ECHDC2: variants seen among roughly 807,000 people sequenced by gnomAD.
ECHDC2 encodes the protein enoyl-CoA hydratase domain containing 2.
ECHDC2 carries 34 observed loss-of-function variants against 40.6 expected under a neutral mutation model. The ratio of observed to expected loss-of-function variants is 0.84; its 90% CI spans 0.64 to 1.11. The LOEUF (loss-of-function observed/expected upper bound fraction) is 1.11, where lower values mean the gene tolerates loss of function less well. Ranked by LOEUF, ECHDC2 falls within the 50% of genes most tolerant of loss-of-function variation. ECHDC2 has a pLI of 0.00. For synonymous variants in ECHDC2, 162 were observed against 166.6 expected (o/e 0.97, Z 0.21); for missense variants, 392 against 400.7 (o/e 0.98, Z 0.19).
At chr1:52,905,340 C>T (rs1000596377) in intron 5 of ECHDC2, 10 of 554,218 alleles carry the variant, frequency 1.8e-5, no homozygotes, top group Non-Finnish European at 2.9e-5. Context: ...CCTTCCCAAG[C>T]CTCAAAGGTG....
chr1:52,910,024 C>T (rs1391309327), intron 3 of ECHDC2, among the ~76,000 whole-genome samples: 1 of 152,168 alleles, frequency 6.6e-6, no homozygotes, highest in Non-Finnish European at 1.5e-5. Flanking sequence ...ACACTTGCCA[C>T]AACTTGGAGG....
intron 8 of ECHDC2, chr1:52,897,879 C>A: frequency 3.4e-6 from 1 of 295,204 alleles, no homozygotes; most frequent in Non-Finnish European, 6.6e-6. Flanking sequence ...GGTTAGTATC[C>A]CTATTCTACA....
At chr1:52,897,279 C>T (rs1027616147) in intron 9 of ECHDC2, 158 bp downstream of exon 9, 13 of 745,680 alleles carry the variant, frequency 1.7e-5, no homozygotes, top group Admixed American at 1.6e-4. Context: ...CACTATGGCT[C>T]TCCTCAAGCC....
intron 8 of ECHDC2, chr1:52,898,832 T>G (rs568720676): frequency 3.5e-4 from 141 of 400,096 alleles, no homozygotes; most frequent in Middle Eastern, 2.4e-3. Context: ...TGAGGCCACA[T>G]TACTGCCAGC....
intron 1 of ECHDC2, among the ~76,000 whole-genome samples, chr1:52,920,001 A>C (rs1377486298): frequency 1.3e-5 from 2 of 152,354 alleles, no homozygotes; most frequent in East Asian, 3.9e-4. Flanking sequence ...GAGTCACTGA[A>C]TTACTAGAAG....
intron 1 of ECHDC2, chr1:52,912,209 GTTTTT>G: frequency 6.4e-6 from 1 of 156,948 alleles, no homozygotes; most frequent in African/African-American, 2.8e-5. Flanking sequence ...GAGTTTTGCT[GTTTTT>G]TTTTTTTTTT....
chr1:52,921,248 C>T, intron 1 of ECHDC2: 2 of 376,690 alleles, frequency 5.3e-6, no homozygotes, highest in Non-Finnish European at 8.7e-6. Context: ...CGCTCCTGGC[C>T]TGGGGGCCGC....
intron 5 of ECHDC2, chr1:52,905,939 T>TG (rs1647686480): frequency 1.3e-5 from 3 of 229,900 alleles, no homozygotes; most frequent in Non-Finnish European, 2.6e-5. Flanking sequence ...GAGAGAGCGG[T>TG]GGGGGGAGAA....
intron 1 of ECHDC2, chr1:52,915,376 C>A: frequency 2.2e-6 from 1 of 455,996 alleles, no homozygotes; most frequent in Non-Finnish European, 4.4e-6. Flanking sequence ...AGTTTCTGGG[C>A]TCTCAAGGGA....
chr1:52,908,141 GA>G (rs1571956066), intron 3 of ECHDC2, among the ~76,000 whole-genome samples, 187 bp from the exon 4 acceptor site: 3 of 152,326 alleles, frequency 2.0e-5, no homozygotes, highest in Admixed American at 6.5e-5. Context: ...TGACACTGCA[GA>G]AAGGTGAACT....
In ECHDC2 at chr1:52,904,755, C is replaced by T; in HGVS notation, c.593G>A (p.Gly198Glu). The T allele has an allele frequency of 1.2e-6, 2 of 1,613,048 alleles. No homozygotes were observed. Among genetic ancestry groups the T allele is most frequent in the Non-Finnish European group, 1.7e-6 (2 of 1,180,008 alleles). ...ELIFTGRRLS[G>E]TEAHVLGLVN... is the part of the protein sequence containing the mutation. ...CAGCCCCAGTACGTGGGCCTCAGTT[C>T]CACTCAGTCGTCGGCCCGTGAAGAT... Residue 198 changes from glycine to glutamate, a missense_variant, in exon 7 of 10, where the codon GGA becomes GAA. Gly to Glu is a moderately conservative substitution (Grantham distance 98). Coordinates refer to ENST00000371522, the MANE Select transcript of ECHDC2 (RefSeq NM_001198961.2).
intron 1 of ECHDC2, chr1:52,920,722 AC>A: frequency 1.8e-6 from 1 of 570,516 alleles, no homozygotes; most frequent in Non-Finnish European, 3.1e-6. Context: ...GAGCTGTTGT[AC>A]ATTTAAGAAT....
rs1234132472 is a variant in ECHDC2 at position 52,899,084 on chromosome 1, T to C, written c.753+90A>G. ...TAGAAGAGTCCACTTCCTGAGTTTT[T>C]CCCAGCTGTGCTGTCTGAGCTCTGA... On this transcript the variant is annotated intron_variant, in intron 8 of 9. Coordinates refer to ENST00000371522, the MANE Select transcript of ECHDC2 (RefSeq NM_001198961.2). 4 of 1,373,566 alleles carry C rather than the reference T, an allele frequency of 2.9e-6. No individual in the cohort carries two copies. In the African/African-American group the frequency reaches 4.3e-5, roughly 15 times the overall value. The allele number at this position is 1,373,566 out of a possible 1,614,324, so 85.1% of individuals were successfully genotyped here.
chr1:52,919,772 C>T (rs538078300), intron 1 of ECHDC2, among the ~76,000 whole-genome samples: 1 of 152,358 alleles, frequency 6.6e-6, no homozygotes, highest in East Asian at 1.9e-4. Context: ...CGTGTGTGAT[C>T]TCATCCCCAT....
chr1:52,904,600 C>T (rs779774866), intron 7 of ECHDC2, 46 bp downstream of exon 7: 17 of 1,496,400 alleles, frequency 1.1e-5, no homozygotes, highest in Non-Finnish European at 1.4e-5. Flanking sequence ...ACACATGCCT[C>T]CCCCATGACT....
At chr1:52,900,097 G>C (rs1252098773) in intron 7 of ECHDC2, 3 of 151,902 alleles carry the variant, frequency 2.0e-5, no homozygotes, top group Admixed American at 2.0e-4. Context: ...ATTTACAAAA[G>C]AGTATGTAAA....
chr1:52,906,330 G>A, intron 5 of ECHDC2, 189 bp downstream of exon 5: 1 of 686,174 alleles, frequency 1.5e-6, no homozygotes, highest in Non-Finnish European at 2.7e-6. Context: ...AGATACTACA[G>A]CAGCTAATGG....
rs200777537 is a variant in ECHDC2, at chr1:52,899,189, A to G, written c.738T>C (p.Ile246=). 1.2e-6 allele frequency: 2 copies of G among 1,614,072 alleles called. No individual in the cohort carries two copies. Among genetic ancestry groups the G allele is most frequent in the African/African-American group, 1.3e-5 (1 of 74,912 alleles). ...ACCCTCTCACCTCCGTTCCTCGGTCAATGGCTACTTTGCCCAGCCGCACGG... is the reference window on the plus strand; with the variant it reads ...ACCCTCTCACCTCCGTTCCTCGGTCGATGGCTACTTTGCCCAGCCGCACGG... ...PIAVRLGKVA[I]DRGTEVDIAS... is the part of the protein sequence containing the mutation. Residue 246 remains isoleucine (I), a synonymous_variant, in exon 8 of 10, where the codon ATT becomes ATC. Coordinates refer to ENST00000371522, the MANE Select transcript of ECHDC2 (RefSeq NM_001198961.2).
intron 4 of ECHDC2, 139 bp downstream of exon 4, chr1:52,907,729 T>C: frequency 1.3e-5 from 9 of 693,712 alleles, no homozygotes; most frequent in Non-Finnish European, 1.7e-5. Flanking sequence ...TCCTCCTCCA[T>C]CCCCCTGGGT....
Sources: gnomAD v4.1 joint callset for allele counts (sites outside exome capture counted in the v4.1 genomes callset) on GRCh38, gnomAD v4.1.1 for gene constraint, MANE v1.5 for transcripts, NCBI Gene and HGNC (gene_info 2026-07-23, HGNC 2026-07-21) for gene names.